SRP72: variants seen among roughly 807,000 people sequenced by gnomAD.
The protein encoded by SRP72 is signal recognition particle 72.
In SRP72, 49 loss-of-function variants were observed where a neutral mutation model predicts 96.3. The observed-to-expected ratio is 0.51, with a 90% CI of 0.40 to 0.65. The LOEUF (loss-of-function observed/expected upper bound fraction) is 0.65. SRP72 is among the 30% of genes least tolerant of loss of function. The pLI is 0.00. For synonymous variants in SRP72, 267 were observed against 275.2 expected (o/e 0.97, Z 0.30); for missense variants, 736 against 793.3 (o/e 0.93, Z 0.87).
chr4:56,468,291 C>T (rs1283640563), intron 1 of SRP72, among the ~76,000 whole-genome samples: 1 of 152,104 alleles, frequency 6.6e-6, no homozygotes, highest in African/African-American at 2.4e-5. Context: ...CCTGTCATTC[C>T]CATAGATGAG....
chr4:56,468,696 C>T (rs760909230), intron 1 of SRP72, among the ~76,000 whole-genome samples: 7 of 152,178 alleles, frequency 4.6e-5, no homozygotes, highest in Admixed American at 6.5e-5. Context: ...ATTGTGCCCA[C>T]AGTGCACTTT....
At chr4:56,487,171 C>G (rs545199412) in intron 11 of SRP72, among the ~76,000 whole-genome samples, 1 of 152,178 alleles carries the variant, frequency 6.6e-6, no homozygotes, top group South Asian at 2.1e-4. Context: ...GGTGACAATT[C>G]TTCACAAAAA....
At position 56,503,586 on chromosome 4, in the gene SRP72, T is replaced by C. The variant is rs756886753; in HGVS notation, c.*1725T>C. 4 of 152,204 alleles carry C rather than the reference T, an allele frequency of 2.6e-5. No homozygotes were observed. Among genetic ancestry groups the C allele is most frequent in the Non-Finnish European group, 4.4e-5 (3 of 68,038 alleles). 9.4% of individuals were successfully genotyped at this position (152,204 alleles called of 1,614,324 possible). ...GTTCATATATATACTTTGTCAAATA[T>C]ATGGATGTGTATGTGTACATTTATA... On this transcript the variant is annotated 3_prime_UTR_variant, in exon 19 of 19. Transcript: ENST00000642900.
chr4:56,468,166 C>T (rs375496942), intron 1 of SRP72, among the ~76,000 whole-genome samples: 16 of 152,264 alleles, frequency 1.1e-4, no homozygotes, highest in East Asian at 7.7e-4. Context: ...TTCTCTTTGG[C>T]CGCTAAAGGG....
chr4:56,487,905 T>TA (rs753356316), intron 11 of SRP72, 44 bp from the exon 12 acceptor site: 2 of 1,432,328 alleles, frequency 1.4e-6, no homozygotes, highest in Admixed American at 4.5e-5. Context: ...TTTTTCATAA[T>TA]ATGTGTTCTT....
Position 56,467,723 on chromosome 4 carries a change from G to T in SRP72, c.88G>T (p.Ala30Ser). The T allele has an allele frequency of 6.4e-7, 1 of 1,551,570 alleles. No individual in the cohort carries two copies. Among genetic ancestry groups the T allele is most frequent in the Middle Eastern group, 1.7e-4 (1 of 5,910 alleles). ...RYGQNGDFTR[A>S]LKTVNKILQI... ...TGGCCAGAACGGCGACTTCACGCGC[G>T]CTCTCAAGACCGTCAATAAGAGTAA... The change falls in exon 1 of 19, where the codon GCT (alanine) becomes TCT (serine). Residue 30 changes from alanine to serine, a missense_variant. Ala to Ser is a moderately conservative substitution (Grantham distance 99). Around this residue, in one of 3 missense-constraint regions of SRP72, gnomAD observed 329 missense variants for 319.0 expected, o/e 1.03. Coordinates refer to ENST00000642900, the MANE Select transcript of SRP72 (RefSeq NM_006947.4).
rs1365511050 is a variant in SRP72 at position 56,503,499 on chromosome 4, AATGAAGTATAAACAC to A, written c.*1644_*1658del. 3.9e-5 allele frequency: 6 copies of A among 152,252 alleles called. No individual in the cohort carries two copies. The highest frequency in any genetic ancestry group is 5.9e-5 in the Non-Finnish European group (4 of 68,046). 9.4% of individuals were successfully genotyped at this position (152,252 alleles called of 1,614,324 possible). A position where few individuals can be genotyped will look rare whatever the true frequency, so the allele number is the denominator to read the frequency against. The stretch of plus-strand genomic sequence containing the variant: ...CAGTTCAAATAAGTTTTAATTGTCA[AATGAAGTATAAACAC>A]ATGAACTTTCTAGAAATATTTCCTC... On this transcript the variant is annotated 3_prime_UTR_variant, in exon 19 of 19. Transcript: ENST00000642900.
At chr4:56,492,627 C>T (rs17086906) in intron 16 of SRP72, among the ~76,000 whole-genome samples, 3,751 of 152,232 alleles carry the variant, frequency 0.025, 143 homozygotes, top group East Asian at 0.19. Context: ...ACAAACTCTG[C>T]ATTTCATAAA....
rs926204089 is a variant in SRP72 at position 56,489,408 on chromosome 4, G to A, written c.1245G>A (p.Met415Ile). ...KPGMVSALVT[M>I]YSHEEDIDSA... ...TGTAGGTATCTGCATTAGTTACCAT[G>A]TATAGCCATGAAGAAGATATTGATA... The change falls in exon 13 of 19, where the codon ATG (methionine) becomes ATA (isoleucine). Residue 415 changes from methionine to isoleucine, a missense_variant. Physicochemically the swap from Met to Ile is conservative, Grantham distance 10. Around this residue, in one of 3 missense-constraint regions of SRP72, gnomAD observed 388 missense variants for 431.8 expected, o/e 0.90. Coordinates refer to ENST00000642900, the MANE Select transcript of SRP72 (RefSeq NM_006947.4). 6.3e-7 allele frequency: 1 copy of A among 1,598,726 alleles called. No homozygotes were observed. Among genetic ancestry groups the A allele is most frequent in the Non-Finnish European group, 8.6e-7 (1 of 1,169,472 alleles).
intron 11 of SRP72, among the ~76,000 whole-genome samples, chr4:56,487,032 C>T (rs1455613469): frequency 6.6e-6 from 1 of 152,168 alleles, no homozygotes; most frequent in Admixed American, 6.5e-5. Flanking sequence ...ATGCTAGCCA[C>T]ATCTTAGAAG....
chr4:56,479,969 G>A (rs1480792197), intron 8 of SRP72, among the ~76,000 whole-genome samples: 2 of 152,168 alleles, frequency 1.3e-5, no homozygotes, highest in Admixed American at 1.3e-4. Context: ...ACTAAAAGTA[G>A]TTAAGTAATT....
rs1213413899 is a variant in SRP72 at position 56,484,767 on chromosome 4, T to C, written c.989T>C (p.Leu330Ser). 1 of 1,614,200 alleles carries C rather than the reference T, an allele frequency of 6.2e-7. No individual in the cohort carries two copies. The highest frequency in any genetic ancestry group is 1.7e-5 in the Admixed American group (1 of 60,012). The change falls in exon 10 of 19, where the codon TTA (leucine) becomes TCA (serine). Residue 330 changes from leucine (L) to serine (S), a missense_variant. Transcript: ENST00000642900. Reference sequence around the variant, plus strand: ...CAATGCCGCAAAATATCTGCCAGTTTACAGTCCCAAAGTCCCGAGCATCTC... The same window carrying C: ...CAATGCCGCAAAATATCTGCCAGTTCACAGTCCCAAAGTCCCGAGCATCTC... ...AEQCRKISASLQSQSPEHLLP... is the reference protein window; with the variant it reads ...AEQCRKISASSQSQSPEHLLP...
chr4:56,500,411 A>G, intron 17 of SRP72, 125 bp from the exon 18 acceptor site: 1 of 1,083,738 alleles, frequency 9.2e-7, no homozygotes, highest in Non-Finnish European at 1.3e-6. Flanking sequence ...ATACAAACTA[A>G]ACTTTCTCAA....
intron 8 of SRP72, among the ~76,000 whole-genome samples, chr4:56,478,994 G>T (rs1720361979): frequency 1.3e-5 from 2 of 152,132 alleles, no homozygotes; most frequent in South Asian, 2.1e-4. Context: ...TTCGTCTATG[G>T]AATCTGAATG....
At chr4:56,472,734 T>A (rs1365284620) in intron 3 of SRP72, among the ~76,000 whole-genome samples, 1 of 152,194 alleles carries the variant, frequency 6.6e-6, no homozygotes, top group Non-Finnish European at 1.5e-5. Flanking sequence ...GATTTAATAA[T>A]ACAAATGAGT....
intron 1 of SRP72, among the ~76,000 whole-genome samples, chr4:56,468,664 T>G (rs77188474): frequency 0.011 from 1,612 of 152,336 alleles, 33 homozygotes; most frequent in African/African-American, 0.036. Flanking sequence ...ACTCTAGTAC[T>G]GGGTTAACGT....
At chr4:56,483,061 T>G in intron 8 of SRP72, 78 bp from the exon 9 acceptor site, 1 of 1,375,504 alleles carries the variant, frequency 7.3e-7, no homozygotes, top group South Asian at 1.3e-5. Flanking sequence ...TCCTGCTGTA[T>G]CTATATAAAG....
chr4:56,484,959 A>G, intron 10 of SRP72, 95 bp downstream of exon 10: 1 of 1,418,024 alleles, frequency 7.1e-7, no homozygotes, highest in Non-Finnish European at 9.3e-7. Flanking sequence ...ATTTAATGGG[A>G]AAACTAATCA....
chr4:56,474,197 A>C lies in SRP72; in HGVS notation c.498A>C (p.Pro166=). Residue 166 remains proline, a splice_region_variant and synonymous_variant, in exon 4 of 19, where the codon CCA becomes CCC. Transcript: ENST00000642900. The part of the protein sequence containing the change: ...AAQSNWEKVV[P]ENLGLQEGTH... ...AAAGCAATTGGGAAAAAGTGGTTCC[A>C]GTGAGTATCCTTGTGGTGTACCCAT... is the stretch of plus-strand genomic sequence containing the variant. 3.1e-6 allele frequency: 5 copies of C among 1,614,220 alleles called. No homozygotes were observed. The highest frequency in any genetic ancestry group is 4.2e-6 in the Non-Finnish European group (5 of 1,180,024).
Sources: allele counts gnomAD v4.1 joint callset (sites outside exome capture counted in the v4.1 genomes callset), GRCh38; gene constraint gnomAD v4.1.1; regional missense constraint gnomAD v4.1.1; transcripts MANE v1.5; gene names NCBI Gene and HGNC (gene_info 2026-07-23, HGNC 2026-07-21).